PTPN4: variants seen among roughly 807,000 people sequenced by gnomAD.
PTPN4 encodes the protein protein tyrosine phosphatase non-receptor type 4, also known as tyrosine-protein phosphatase non-receptor type 4.
A neutral mutation model predicts 135.5 loss-of-function variants in PTPN4; 49 were observed. That is an observed-to-expected ratio of 0.36 (90% CI 0.29 to 0.46). The LOEUF (loss-of-function observed/expected upper bound fraction) is 0.46, where lower values mean the gene tolerates loss of function less well. Ranked by LOEUF, PTPN4 falls within the 20% of genes least tolerant of loss-of-function variation. The pLI is 1.00. For synonymous variants in PTPN4, 333 were observed against 369.9 expected (o/e 0.90, Z 1.14); for missense variants, 860 against 1,101.0 (o/e 0.78, Z 3.10).
At position 119,947,791 on chromosome 2, in the gene PTPN4, C is replaced by CACACACACAT. The variant is rs1044854246; in HGVS notation, c.1656+1218_1656+1219insCACACACATA. Among the ~76,000 whole-genome samples, 25 of 151,590 alleles carry CACACACACAT rather than the reference C, an allele frequency of 1.6e-4. No homozygotes were observed. In the East Asian group the frequency reaches 4.1e-3, roughly 25 times the overall value. ...ACACACACACACACACACACACACA[C>CACACACACAT]ATCAGATTGTGACTCCTAAGTCTCC... is the stretch of plus-strand genomic sequence containing the variant. On this transcript the variant is annotated intron_variant, in intron 18 of 26. Transcript: ENST00000263708.
intron 2 of PTPN4, among the ~76,000 whole-genome samples, chr2:119,817,901 A>T (rs1677012568): frequency 6.6e-6 from 1 of 152,012 alleles, no homozygotes; most frequent in Non-Finnish European, 1.5e-5. Context: ...GTGTTCCTAG[A>T]CATTTTATTC....
At chr2:119,764,411 T>G (rs906102929) in intron 1 of PTPN4, among the ~76,000 whole-genome samples, 2 of 152,238 alleles carry the variant, frequency 1.3e-5, no homozygotes, top group Non-Finnish European at 2.9e-5. Context: ...TGTTTCTCAT[T>G]CGTGCTTAAA....
At chr2:119,819,999 C>T (rs1410054839) in intron 2 of PTPN4, among the ~76,000 whole-genome samples, 1 of 152,052 alleles carries the variant, frequency 6.6e-6, no homozygotes, top group Non-Finnish European at 1.5e-5. Context: ...GTAGCTGAGA[C>T]TACGGGCATG....
chr2:119,945,323 T>G, intron 16 of PTPN4, 83 bp downstream of exon 16: 1 of 1,311,540 alleles, frequency 7.6e-7, no homozygotes, highest in Non-Finnish European at 1.0e-6. Flanking sequence ...TTGGCAGTTT[T>G]TAGTTGTAAG....
chr2:119,797,513 A>G (rs1006238786), intron 1 of PTPN4, among the ~76,000 whole-genome samples: 3 of 152,144 alleles, frequency 2.0e-5, no homozygotes, highest in Admixed American at 1.3e-4. Flanking sequence ...ATTTTTTGCC[A>G]TTAAGTGCGA....
rs151229296 is a variant in PTPN4 at position 119,837,044 on chromosome 2, T to C, written c.139-25492T>C. Among the ~76,000 whole-genome samples, 491 of 152,264 alleles carry C rather than the reference T, an allele frequency of 3.2e-3. 2 individuals carry two copies. Among genetic ancestry groups the C allele is most frequent in the African/African-American group, 0.011 (464 of 41,548 alleles). ...GAAGGTTCCCGGTGAAGCCCCACCT[T>C]CAAGCCAGGGATGACCAGAAGCATG... On this transcript the variant is annotated intron_variant, in intron 2 of 26. Transcript: ENST00000263708.
At chr2:119,847,155 T>C (rs1338082305) in intron 2 of PTPN4, among the ~76,000 whole-genome samples, 1 of 148,312 alleles carries the variant, frequency 6.7e-6, no homozygotes, top group Non-Finnish European at 1.5e-5. Context: ...TATAATTATA[T>C]ACATATACAT....
chr2:119,898,746 G>T (rs574296142), intron 9 of PTPN4, among the ~76,000 whole-genome samples: 5 of 152,238 alleles, frequency 3.3e-5, no homozygotes, highest in African/African-American at 1.2e-4. Flanking sequence ...GTCCCTGAAG[G>T]CTATAATACT....
At chr2:119,932,645 A>C in intron 14 of PTPN4, 96 bp downstream of exon 14, 2 of 1,360,522 alleles carry the variant, frequency 1.5e-6, no homozygotes. Context: ...AGATACGCAA[A>C]AATTGAATTC....
chr2:119,814,095 A>T (rs1574348469), intron 2 of PTPN4, among the ~76,000 whole-genome samples: 1 of 152,188 alleles, frequency 6.6e-6, no homozygotes, highest in African/African-American at 2.4e-5. Context: ...TTATAAGTGT[A>T]TGTATGTACA....
At chr2:119,902,346 C>A (rs889149954) in intron 10 of PTPN4, among the ~76,000 whole-genome samples, 1 of 152,110 alleles carries the variant, frequency 6.6e-6, no homozygotes, top group Non-Finnish European at 1.5e-5. Flanking sequence ...CAGAAGTGAA[C>A]GAGAAATAAA....
intron 24 of PTPN4, among the ~76,000 whole-genome samples, chr2:119,964,256 A>G (rs937556600): frequency 5.9e-5 from 9 of 152,202 alleles, no homozygotes; most frequent in Non-Finnish European, 8.8e-5. Flanking sequence ...CCTTTAAAGT[A>G]TAGATGTTAT....
intron 1 of PTPN4, among the ~76,000 whole-genome samples, chr2:119,784,561 T>C (rs1275927027): frequency 6.6e-6 from 1 of 151,734 alleles, no homozygotes; most frequent in African/African-American, 2.4e-5. Flanking sequence ...TAATTTTTTG[T>C]ATTTTTTAGT....
At chr2:119,794,370 C>G (rs1691213914) in intron 1 of PTPN4, among the ~76,000 whole-genome samples, 1 of 152,202 alleles carries the variant, frequency 6.6e-6, no homozygotes, top group African/African-American at 2.4e-5. Flanking sequence ...CGCTACCAGC[C>G]TGGATCCCAC....
In PTPN4 at chr2:119,760,286, G is replaced by GC. The variant is rs1457586408; in HGVS notation, c.-110dup. 2 of 395,822 alleles carry GC rather than the reference G, an allele frequency of 5.1e-6. No individual in the cohort carries two copies. Among genetic ancestry groups the GC allele is most frequent in the Non-Finnish European group, 8.9e-6 (2 of 224,336 alleles). The allele number at this position is 395,822 out of a possible 1,614,324, so 24.5% of individuals were successfully genotyped here. On this transcript the variant is annotated 5_prime_UTR_variant, in exon 1 of 27. Coordinates refer to ENST00000263708, the MANE Select transcript of PTPN4 (RefSeq NM_002830.4). ...CGGCTGCTCGGGGGGCGCTGAGGTA[G>GC]CCCCCCGGAGCGGCACGGAGGACGC... is the stretch of plus-strand genomic sequence containing the variant.
intron 26 of PTPN4, among the ~76,000 whole-genome samples, chr2:119,974,201 G>GTT (rs1679580132): frequency 6.6e-6 from 1 of 151,934 alleles, no homozygotes; most frequent in Non-Finnish European, 1.5e-5. Context: ...AGTTTTTGTT[G>GTT]TTGTTTTGTT....
chr2:119,850,290 G>A (rs1677572059), intron 2 of PTPN4, among the ~76,000 whole-genome samples: 1 of 152,174 alleles, frequency 6.6e-6, no homozygotes, highest in Non-Finnish European at 1.5e-5. Context: ...GGCTCTTGTA[G>A]GGGCAGTGTC....
In PTPN4 at chr2:119,859,173, T is replaced by C. The variant is rs367963181; in HGVS notation, c.139-3363T>C. On this transcript the variant is annotated intron_variant, in intron 2 of 26. Coordinates refer to ENST00000263708, the MANE Select transcript of PTPN4 (RefSeq NM_002830.4). ...ACAGCATTCATAATGGTTGCTTCCATTGAAACATTTTTTTCTGATGACTGC... is the reference window on the plus strand; with the variant it reads ...ACAGCATTCATAATGGTTGCTTCCACTGAAACATTTTTTTCTGATGACTGC... Among the ~76,000 whole-genome samples, 3 of 152,250 alleles carry C rather than the reference T, an allele frequency of 2.0e-5. No homozygotes were observed. In the East Asian group the frequency reaches 5.8e-4, roughly 29 times the overall value.
intron 5 of PTPN4, among the ~76,000 whole-genome samples, chr2:119,879,043 A>C (rs1384302661): frequency 6.6e-6 from 1 of 150,942 alleles, no homozygotes; most frequent in Non-Finnish European, 1.5e-5. Context: ...CAGTGAGCCG[A>C]GATCACGCCA....
Sources: gnomAD v4.1 joint callset for allele counts (sites outside exome capture counted in the v4.1 genomes callset) on GRCh38, gnomAD v4.1.1 for gene constraint, MANE v1.5 for transcripts, NCBI Gene and HGNC (gene_info 2026-07-23, HGNC 2026-07-21) for gene names.